The following SEMA3A variants were observed in gnomAD, a reference collection of about 807,000 sequenced individuals.
SEMA3A encodes the protein semaphorin 3A.
A neutral mutation model predicts 97.9 loss-of-function variants in SEMA3A; 29 were observed. The ratio of observed to expected loss-of-function variants is 0.30; its 90% CI spans 0.22 to 0.40. The LOEUF (loss-of-function observed/expected upper bound fraction) is 0.40, where lower values mean the gene tolerates loss of function less well. Ranked by LOEUF, SEMA3A falls within the 10% of genes least tolerant of loss-of-function variation. SEMA3A has a pLI of 1.00. For synonymous variants in SEMA3A, 321 were observed against 323.7 expected, an observed-to-expected ratio of 0.99 and a Z score of 0.09; for missense variants, 763 against 951.3, an observed-to-expected ratio of 0.80 and a Z score of 2.60.
intron 5 of SEMA3A, among the ~76,000 whole-genome samples, chr7:84,050,005 T>C: frequency 6.6e-6 from 1 of 151,238 alleles, no homozygotes. Context: ...GAGAATGATG[T>C]TTTCCAGTTT....
chr7:84,409,087 A>T (rs944817432), intron 1 of SEMA3A, among the ~76,000 whole-genome samples: 3 of 146,722 alleles, frequency 2.0e-5, no homozygotes, highest in Non-Finnish European at 1.5e-5. Context: ...ATTCAAATGT[A>T]AAAAAAAATA....
At chr7:84,366,303 G>A (rs1006662943) in intron 2 of SEMA3A, among the ~76,000 whole-genome samples, 6 of 151,098 alleles carry the variant, frequency 4.0e-5, no homozygotes, top group African/African-American at 1.5e-4. Flanking sequence ...GTAGGCCCAC[G>A]AAATACATTT....
intron 3 of SEMA3A, among the ~76,000 whole-genome samples, chr7:84,257,461 T>C (rs1799742145): frequency 6.6e-6 from 1 of 152,118 alleles, no homozygotes; most frequent in Admixed American, 6.5e-5. Context: ...TTAATTTTCT[T>C]TGGTATATAT....
intron 2 of SEMA3A, among the ~76,000 whole-genome samples, chr7:84,369,720 T>A (rs1157748309): frequency 6.6e-6 from 1 of 150,400 alleles, no homozygotes; most frequent in Admixed American, 6.7e-5. Context: ...AAACAAAGAC[T>A]CACAGGTATG....
At chr7:84,401,502 A>AC (rs1160707181) in intron 1 of SEMA3A, among the ~76,000 whole-genome samples, 15 of 152,084 alleles carry the variant, frequency 9.9e-5, no homozygotes, top group African/African-American at 3.6e-4. Flanking sequence ...AAAAAAAAAA[A>AC]AAAACACTAA....
intron 5 of SEMA3A, among the ~76,000 whole-genome samples, chr7:84,048,293 C>A (rs1792442046): frequency 6.6e-6 from 1 of 151,836 alleles, no homozygotes; most frequent in Admixed American, 6.6e-5. Context: ...TTAGAAATAG[C>A]CCTTTTCTGA....
At chr7:84,136,080 A>C (rs189483623) in intron 1 of SEMA3A, among the ~76,000 whole-genome samples, 138 of 151,800 alleles carry the variant, frequency 9.1e-4, no homozygotes, top group Admixed American at 4.1e-3. Context: ...CACACACCCC[A>C]CCCCCATGGG....
intron 1 of SEMA3A, among the ~76,000 whole-genome samples, chr7:84,473,185 A>G (rs1464266348): frequency 7.2e-6 from 1 of 138,302 alleles, no homozygotes; most frequent in Non-Finnish European, 1.5e-5. Context: ...AAACCTACAT[A>G]CTTCTTAAGT....
chr7:84,329,512 T>C (rs1268965290), intron 2 of SEMA3A, among the ~76,000 whole-genome samples: 1 of 152,006 alleles, frequency 6.6e-6, no homozygotes, highest in Non-Finnish European at 1.5e-5. Flanking sequence ...GCTGGACATG[T>C]GTGGTCATGG....
rs548767351 is a variant in SEMA3A, at chr7:84,244,984, G to C, written c.-82-50316C>G. 2.0e-5 allele frequency among the ~76,000 whole-genome samples: 3 copies of C among 152,204 alleles called. No homozygotes were observed. In the South Asian group the frequency reaches 6.2e-4, roughly 32 times the overall value. On this transcript the variant is annotated intron_variant, in intron 3 of 3. Coordinates refer to the SEMA3A transcript ENST00000424555. ...GTTAGTCTGATGGGCTTCCCTTCGT[G>C]GGTAACCCGACCTTTCTCTCTGGCT...
chr7:84,101,371 C>T (rs958402683), intron 4 of SEMA3A, among the ~76,000 whole-genome samples: 6 of 152,074 alleles, frequency 3.9e-5, no homozygotes, highest in Non-Finnish European at 7.4e-5. Flanking sequence ...TTTATCTTCT[C>T]TTGGAAATAA....
In SEMA3A at chr7:84,285,844, C is replaced by T. The variant is rs1800571007; in HGVS notation, c.-83+21363G>A. On this transcript the variant is annotated intron_variant, in intron 3 of 3. Coordinates refer to the SEMA3A transcript ENST00000424555. ...AACCCAGCTACTGGGGAGGCTGAGG[C>T]AGGAAGATCACCTGAGTTGGGGATG... 2.6e-5 allele frequency among the ~76,000 whole-genome samples: 4 copies of T among 151,458 alleles called. No individual in the cohort carries two copies. The South Asian group carries it at 8.3e-4, about 32-fold the overall frequency.
chr7:84,173,278 A>G (rs943029380), intron 1 of SEMA3A, among the ~76,000 whole-genome samples: 2 of 152,040 alleles, frequency 1.3e-5, no homozygotes, highest in Middle Eastern at 3.2e-3. Context: ...AGTTTTGGCC[A>G]GGCGCGGTGG....
intron 4 of SEMA3A, among the ~76,000 whole-genome samples, chr7:84,102,738 A>T (rs1473587321): frequency 6.6e-6 from 1 of 151,386 alleles, no homozygotes; most frequent in Non-Finnish European, 1.5e-5. Flanking sequence ...CCGCCACCAC[A>T]CCTGGCTATT....
chr7:83,959,519 T>C lies in SEMA3A; in HGVS notation c.*1852A>G, dbSNP rs1233405872. On this transcript the variant is annotated 3_prime_UTR_variant, in exon 17 of 17. Coordinates refer to ENST00000265362, the MANE Select transcript of SEMA3A (RefSeq NM_006080.3). ...ATGGAGCCTAAAATTGAATGTAGAT[T>C]ATTTTTAGGCTTTTGTTTGAAACAA... 1 of 152,048 alleles carries C rather than the reference T, an allele frequency of 6.6e-6. No individual in the cohort carries two copies. Among genetic ancestry groups the C allele is most frequent in the East Asian group, 1.9e-4 (1 of 5,192 alleles). 9.4% of individuals were successfully genotyped at this position (152,048 alleles called of 1,614,324 possible). A position where few individuals can be genotyped will look rare whatever the true frequency, so the allele number is the denominator to read the frequency against.
At chr7:84,242,362 T>A (rs1029633758) in intron 3 of SEMA3A, among the ~76,000 whole-genome samples, 14 of 152,174 alleles carry the variant, frequency 9.2e-5, no homozygotes, top group African/African-American at 3.1e-4. Context: ...GTGAATTATA[T>A]TCCTAGGTAT....
At chr7:84,441,943 TAAAC>T (rs1199962198) in intron 1 of SEMA3A, among the ~76,000 whole-genome samples, 2 of 152,128 alleles carry the variant, frequency 1.3e-5, no homozygotes, top group African/African-American at 2.4e-5. Context: ...CATTCCCAGA[TAAAC>T]AAAAGTTGAT....
chr7:84,002,083 T>C, intron 11 of SEMA3A, 37 bp from the exon 12 acceptor site: 1 of 1,216,278 alleles, frequency 8.2e-7, no homozygotes, highest in Non-Finnish European at 1.2e-6. Flanking sequence ...ACAAGTTAAG[T>C]AGATCTGAAC....
At chr7:84,260,804 T>C (rs920578087) in intron 3 of SEMA3A, among the ~76,000 whole-genome samples, 1 of 152,052 alleles carries the variant, frequency 6.6e-6, no homozygotes, top group Admixed American at 6.5e-5. Context: ...ATGGATGATA[T>C]GTTGATGGCA....
Sources: allele counts gnomAD v4.1 joint callset (sites outside exome capture counted in the v4.1 genomes callset), GRCh38; gene constraint gnomAD v4.1.1; transcripts MANE v1.5; gene names NCBI Gene and HGNC (gene_info 2026-07-23, HGNC 2026-07-21).